The following DEAF1 variants were observed in gnomAD, a reference collection of about 807,000 sequenced individuals.
DEAF1 encodes deformed epidermal autoregulatory factor 1 homolog.
A neutral mutation model predicts 58.9 loss-of-function variants in DEAF1; 53 were observed. That is an observed-to-expected ratio of 0.90 (90% confidence interval 0.72 to 1.13). The LOEUF (loss-of-function observed/expected upper bound fraction) is 1.13, where lower values mean the gene tolerates loss of function less well. Ranked by LOEUF, DEAF1 falls within the 50% of genes most tolerant of loss-of-function variation. The pLI, the probability that DEAF1 is intolerant of heterozygous loss-of-function variation, is 0.00. For synonymous variants in DEAF1, 385 were observed against 340.4 expected, an observed-to-expected ratio of 1.13 and a Z score of -1.44; for missense variants, 685 against 791.4, an observed-to-expected ratio of 0.87 and a Z score of 1.61.
chr11:699,191 A>T, upstream of DEAF1: 1 of 469,054 alleles, frequency 2.1e-6, no homozygotes, highest in Non-Finnish European at 3.8e-6. Flanking sequence ...GAAATCCCTC[A>T]CTTTGTCCCT....
chr11:688,084 G>A lies in DEAF1; in HGVS notation c.518-27C>T, dbSNP rs1325275737. 2.5e-6 allele frequency: 4 copies of A among 1,613,524 alleles called. No individual in the cohort carries two copies. Among genetic ancestry groups the A allele is most frequent in the Non-Finnish European group, 3.4e-6 (4 of 1,179,948 alleles). On this transcript the variant is annotated intron_variant, in intron 3 of 11. Transcript: ENST00000382409. This position sits in a 1 kb window ranked among gnomAD's most constrained non-coding sequence, Gnocchi z 4.3. ...TTGGGCAGAGAAAGTGTTTGAAGGT[G>A]AGAGGCCGGACACCGGGAAGCATAG... is the stretch of plus-strand genomic sequence containing the variant.
chr11:674,114 C>T (rs1387475337), intron 10 of DEAF1: 7 of 288,154 alleles, frequency 2.4e-5, no homozygotes, highest in East Asian at 9.1e-5. Context: ...AGCAGATGGA[C>T]GGAGCTCGGC....
intron 1 of DEAF1, chr11:706,356 G>A (rs754844200): frequency 6.1e-4 from 93 of 152,356 alleles, no homozygotes; most frequent in Non-Finnish European, 9.1e-4. Flanking sequence ...GATGGGACGC[G>A]GGGCTTCTGG....
In DEAF1 at chr11:691,508, T is replaced by G. The variant is rs757482202; in HGVS notation, c.380A>C (p.His127Pro). Residue 127 changes from histidine to proline, a missense_variant, in exon 2 of 12, where the codon CAT becomes CCT. Physicochemically the swap from His to Pro is moderately conservative, Grantham distance 77 (BLOSUM62 -2). Coordinates refer to ENST00000382409, the MANE Select transcript of DEAF1 (RefSeq NM_021008.4). ...CCCCTCGGAGCAGCTTACCAGAACA[T>G]GTCCTGAGATGGATGCCGCGTTCGC... ...SVANAASISG[H>P]VLSGRTALQI... 1.6e-5 allele frequency: 26 copies of G among 1,612,630 alleles called. No individual in the cohort carries two copies.
At chr11:654,165 CTTTTTTTT>C in intron 10 of DEAF1, 114 bp from the exon 11 acceptor site, 1 of 410,984 alleles carries the variant, frequency 2.4e-6, no homozygotes, top group Non-Finnish European at 4.3e-6. Context: ...ATTGGACCCC[CTTTTTTTT>C]TTTTTTTTTT....
chr11:691,004 G>A (rs1026887595), intron 2 of DEAF1, among the ~76,000 whole-genome samples: 1 of 152,236 alleles, frequency 6.6e-6, no homozygotes, highest in Non-Finnish European at 1.5e-5. Context: ...TCACAAAAGG[G>A]CTCTGAAGGT....
At chr11:687,821 C>A in intron 4 of DEAF1, 90 bp downstream of exon 4, 2 of 1,560,674 alleles carry the variant, frequency 1.3e-6, no homozygotes, top group South Asian at 2.2e-5. Context: ...GTTCTAGGTG[C>A]CATGATTTTC....
upstream of DEAF1, chr11:699,095 G>A: frequency 1.7e-6 from 1 of 600,068 alleles, no homozygotes. Context: ...GCTCAGCCCT[G>A]CACAAAGTGG....
intron 5 of DEAF1, among the ~76,000 whole-genome samples, chr11:685,857 A>G (rs1300346398): frequency 6.6e-6 from 1 of 151,472 alleles, no homozygotes; most frequent in Non-Finnish European, 1.5e-5. Flanking sequence ...TAAAATACAA[A>G]AATTAGGCCG....
intron 10 of DEAF1, among the ~76,000 whole-genome samples, chr11:659,584 A>T (rs540736151): frequency 6.6e-6 from 1 of 152,162 alleles, no homozygotes; most frequent in Non-Finnish European, 1.5e-5. Flanking sequence ...TCCTGAACCA[A>T]ATGGGGCCAC....
In DEAF1 at chr11:694,698, CAGGCGCGCGGGGT is replaced by C. The variant is rs776286765; in HGVS notation, c.289+48_289+60del. The C allele has an allele frequency of 2.3e-3, 2,972 of 1,272,610 alleles. 3 individuals carry two copies. The highest frequency in any genetic ancestry group is 2.7e-3 in the Non-Finnish European group (2,728 of 1,009,814). The allele number at this position is 1,272,610 out of a possible 1,614,324, so 78.8% of individuals were successfully genotyped here. A position where few individuals can be genotyped will look rare whatever the true frequency, so the allele number is the denominator to read the frequency against. ...GGTCACCTGGGACAGTTGTGCGGGG[CAGGCGCGCGGGGT>C]AGGCGCGCGGGAACCGGACGAGGCG... On this transcript the variant is annotated intron_variant, in intron 1 of 11. Coordinates refer to ENST00000382409, the MANE Select transcript of DEAF1 (RefSeq NM_021008.4).
At chr11:700,523 T>A (rs1861401178) in intron 1 of DEAF1, 2 of 968,738 alleles carry the variant, frequency 2.1e-6, no homozygotes, top group East Asian at 5.0e-5. Flanking sequence ...CAAGACCCTG[T>A]CTCAAAAAAA....
intron 2 of DEAF1, among the ~76,000 whole-genome samples, chr11:691,131 G>A (rs1189247739): frequency 2.0e-5 from 3 of 152,210 alleles, no homozygotes; most frequent in Non-Finnish European, 2.9e-5. Flanking sequence ...GGAGGGAAAC[G>A]CCTTGCTTCT....
At chr11:649,860 T>C (rs979269659) in intron 11 of DEAF1, among the ~76,000 whole-genome samples, 1 of 150,404 alleles carries the variant, frequency 6.6e-6, no homozygotes. Flanking sequence ...ACCCCATCTC[T>C]ACTAAAAACA....
At chr11:691,228 G>T (rs1238711352) in intron 2 of DEAF1, among the ~76,000 whole-genome samples, 1 of 152,262 alleles carries the variant, frequency 6.6e-6, no homozygotes, top group Non-Finnish European at 1.5e-5. Flanking sequence ...ACAGCAGCCT[G>T]CTGGGAGTCC....
chr11:695,904 T>G (rs1195369456), upstream of DEAF1: 26 of 1,190,190 alleles, frequency 2.2e-5, no homozygotes, highest in Non-Finnish European at 2.5e-5. Flanking sequence ...GGCGTTTCCC[T>G]GTGGTGACAA....
upstream of DEAF1, chr11:699,509 G>A (rs1220513954): frequency 2.6e-5 from 4 of 154,378 alleles, no homozygotes; most frequent in African/African-American, 9.7e-5. Context: ...CACTCTGGGA[G>A]GCTGAGGTGG....
chr11:698,549 T>C (rs1457944731), upstream of DEAF1, among the ~76,000 whole-genome samples: 1 of 152,122 alleles, frequency 6.6e-6, no homozygotes, highest in Non-Finnish European at 1.5e-5. Flanking sequence ...TGAGAGCAGC[T>C]GTTGGGGTGG....
chr11:689,202 CTTTTTTT>C (rs34046317), intron 2 of DEAF1, among the ~76,000 whole-genome samples: 27 of 94,182 alleles, frequency 2.9e-4, no homozygotes, highest in Admixed American at 2.2e-3. Flanking sequence ...TTTTCTTTTT[CTTTTTTT>C]TTTTTTTTTT....
Sources: allele counts gnomAD v4.1 joint callset (sites outside exome capture counted in the v4.1 genomes callset), GRCh38; gene constraint gnomAD v4.1.1; non-coding constraint Gnocchi (gnomAD v3.1); transcripts MANE v1.5; gene names NCBI Gene and HGNC (gene_info 2026-07-23, HGNC 2026-07-21).